DNAH5: variants seen among roughly 807,000 people sequenced by gnomAD.
The protein encoded by DNAH5 is dynein axonemal heavy chain 5.
Under a neutral mutation model 518.2 loss-of-function variants are expected in DNAH5, and 372 were observed. The ratio of observed to expected loss-of-function variants is 0.72; its 90% CI spans 0.66 to 0.78. The LOEUF (loss-of-function observed/expected upper bound fraction) is 0.78. DNAH5 is among the 30% of genes least tolerant of loss of function. The pLI, the probability that DNAH5 is intolerant of heterozygous loss-of-function variation, is 0.00. For missense variants in DNAH5, 5,523 were observed against 5,687.0 expected, an observed-to-expected ratio of 0.97 and a Z score of 0.93; for synonymous variants, 2,039 against 2,025.9, an observed-to-expected ratio of 1.01 and a Z score of -0.17.
chr5:14,009,970 T>A (rs1458277441), intron 1 of DNAH5, among the ~76,000 whole-genome samples: 1 of 152,220 alleles, frequency 6.6e-6, no homozygotes, highest in Non-Finnish European at 1.5e-5. Flanking sequence ...ATAGAAATGT[T>A]AAAAATAAAG....
At chr5:13,848,852 C>T (rs1330296148) in intron 31 of DNAH5, among the ~76,000 whole-genome samples, 1 of 152,188 alleles carries the variant, frequency 6.6e-6, no homozygotes, top group Non-Finnish European at 1.5e-5. Context: ...TCACCTGCTA[C>T]TCACCTTCTG....
At chr5:13,910,754 G>A (rs1775884807) in intron 12 of DNAH5, among the ~76,000 whole-genome samples, 1 of 152,134 alleles carries the variant, frequency 6.6e-6, no homozygotes, top group South Asian at 2.1e-4. Flanking sequence ...CCAGTACTAG[G>A]CACCTCACCA....
At chr5:13,921,601 T>C (rs530227084) in intron 5 of DNAH5, among the ~76,000 whole-genome samples, 1 of 151,166 alleles carries the variant, frequency 6.6e-6, no homozygotes, top group African/African-American at 2.4e-5. Flanking sequence ...AGAAACTAAA[T>C]GTCACCTTTG....
At chr5:13,912,514 A>C (rs537760149) in intron 11 of DNAH5, among the ~76,000 whole-genome samples, 1 of 151,910 alleles carries the variant, frequency 6.6e-6, no homozygotes, top group South Asian at 2.1e-4. Flanking sequence ...ATGGAATGAT[A>C]CAATGTCTAG....
At chr5:13,984,269 T>C (rs1429742897) in intron 1 of DNAH5, among the ~76,000 whole-genome samples, 2 of 152,174 alleles carry the variant, frequency 1.3e-5, no homozygotes, top group South Asian at 2.1e-4. Context: ...GACTCCTAGG[T>C]ATTTTATTCT....
chr5:13,963,931 G>A (rs1442127427), intron 1 of DNAH5, among the ~76,000 whole-genome samples: 1 of 152,092 alleles, frequency 6.6e-6, no homozygotes, highest in Non-Finnish European at 1.5e-5. Context: ...GCCTCCCAAA[G>A]TGCTGGGATC....
In DNAH5 at chr5:13,911,532, T is replaced by G. The variant is rs775177827; in HGVS notation, c.1537-39A>C. The G allele has an allele frequency of 4.1e-6, 6 of 1,460,240 alleles. No homozygotes were observed. In the East Asian group the frequency reaches 1.4e-4, roughly 35 times the overall value. 90.5% of individuals were successfully genotyped at this position (1,460,240 alleles called of 1,614,324 possible). A position where few individuals can be genotyped will look rare whatever the true frequency, so the allele number is the denominator to read the frequency against. On this transcript the variant is annotated intron_variant, in intron 11 of 78. Transcript: ENST00000265104. The stretch of plus-strand genomic sequence containing the variant: ...AGATAAATTAGATAATATTTCAATA[T>G]TCTTATATTACCTAACTAAATATGA...
At chr5:13,867,526 C>T (rs1769438360) in intron 25 of DNAH5, among the ~76,000 whole-genome samples, 2 of 152,128 alleles carry the variant, frequency 1.3e-5, no homozygotes, top group Admixed American at 6.6e-5. Context: ...GTCAATTAAA[C>T]CTCTCTCCTT....
intron 49 of DNAH5, among the ~76,000 whole-genome samples, chr5:13,792,738 C>T (rs1189535257): frequency 6.6e-6 from 1 of 152,166 alleles, no homozygotes; most frequent in Non-Finnish European, 1.5e-5. Flanking sequence ...CCAGACCTTG[C>T]TCACTGCTGT....
chr5:13,850,049 A>G (rs1827411), intron 31 of DNAH5, among the ~76,000 whole-genome samples: 9,380 of 152,254 alleles, frequency 0.062, 302 homozygotes, highest in African/African-American at 0.079. Context: ...CCAAGGAGAC[A>G]TCATTATTTA....
chr5:14,008,173 GAA>G (rs113559402), intron 1 of DNAH5, among the ~76,000 whole-genome samples: 3,298 of 73,620 alleles, frequency 0.045, 114 homozygotes, highest in African/African-American at 0.15. Flanking sequence ...ATCCGTCTTA[GAA>G]AAAAAAAAAA....
intron 16 of DNAH5, among the ~76,000 whole-genome samples, chr5:13,892,294 T>G (rs1049243641): frequency 6.6e-6 from 1 of 152,178 alleles, no homozygotes; most frequent in Non-Finnish European, 1.5e-5. Context: ...CTGAAAAAAA[T>G]AGTCCCCAAG....
At chr5:13,874,931 G>A (rs1770660521) in intron 22 of DNAH5, among the ~76,000 whole-genome samples, 1 of 152,126 alleles carries the variant, frequency 6.6e-6, no homozygotes, top group Non-Finnish European at 1.5e-5. Context: ...CAGGAAAGGG[G>A]CAGGGATCAT....
chr5:13,768,019 C>G (rs1490219666), intron 58 of DNAH5, among the ~76,000 whole-genome samples: 1 of 152,228 alleles, frequency 6.6e-6, no homozygotes, highest in African/African-American at 2.4e-5. Flanking sequence ...GTCTTCAAAA[C>G]TGGACCAGCC....
At chr5:13,925,709 G>A (rs931342815) in intron 3 of DNAH5, among the ~76,000 whole-genome samples, 1 of 152,158 alleles carries the variant, frequency 6.6e-6, no homozygotes, top group Non-Finnish European at 1.5e-5. Context: ...CCTCCCACCA[G>A]GTTCCTACCA....
chr5:13,921,560 A>T (rs1777296494), intron 5 of DNAH5, among the ~76,000 whole-genome samples: 1 of 150,558 alleles, frequency 6.6e-6, no homozygotes, highest in African/African-American at 2.4e-5. Context: ...AATCACAAAC[A>T]CAGACTTATT....
intron 30 of DNAH5, among the ~76,000 whole-genome samples, chr5:13,852,063 T>G (rs1372477182): frequency 6.7e-6 from 1 of 150,204 alleles, no homozygotes; most frequent in South Asian, 2.1e-4. Context: ...GCTTTCCCCA[T>G]CTGCAGACCA....
chr5:13,988,670 G>A (rs1581121229), intron 1 of DNAH5, among the ~76,000 whole-genome samples: 2 of 149,240 alleles, frequency 1.3e-5, no homozygotes, highest in African/African-American at 2.5e-5. Context: ...CACCTGCCTC[G>A]CTCAGCCTCC....
chr5:13,765,120 T>C (rs1026057493), intron 59 of DNAH5, among the ~76,000 whole-genome samples: 1 of 152,204 alleles, frequency 6.6e-6, no homozygotes, highest in Non-Finnish European at 1.5e-5. Flanking sequence ...TTCTCAACTC[T>C]AGATTCAGCA....
Sources: allele counts gnomAD v4.1 joint callset (sites outside exome capture counted in the v4.1 genomes callset), GRCh38; gene constraint gnomAD v4.1.1; transcripts MANE v1.5; gene names NCBI Gene and HGNC (gene_info 2026-07-23, HGNC 2026-07-21).